The following ABLIM1 variants were observed in gnomAD, a reference collection of about 807,000 sequenced individuals.
The protein encoded by ABLIM1 is actin-binding LIM protein 1.
ABLIM1 carries 40 observed loss-of-function variants against 107.0 expected under a neutral mutation model. The ratio of observed to expected loss-of-function variants is 0.37; its 90% CI spans 0.29 to 0.49. The LOEUF is 0.49. Ranked by LOEUF, ABLIM1 falls within the 20% of genes least tolerant of loss-of-function variation. ABLIM1 has a pLI of 0.97. For synonymous variants in ABLIM1, 357 were observed against 357.3 expected (o/e 1.00, Z 0.01); for missense variants, 857 against 1,008.5 (o/e 0.85, Z 2.04).
upstream of ABLIM1, among the ~76,000 whole-genome samples, chr10:114,769,352 GA>G (rs1566323673): frequency 7.0e-6 from 1 of 143,106 alleles, no homozygotes; most frequent in Non-Finnish European, 1.5e-5. Flanking sequence ...AGATAAGAAA[GA>G]AAGAAAAAGA....
chr10:114,493,970 C>T (rs2059351008), intron 6 of ABLIM1, among the ~76,000 whole-genome samples: 1 of 152,020 alleles, frequency 6.6e-6, no homozygotes, highest in South Asian at 2.1e-4. Flanking sequence ...AAGAGAACAG[C>T]AATAAGGAAG....
the ABLIM1 span, chr10:114,775,969 T>C: frequency 2.0e-5 from 3 of 152,170 alleles, no homozygotes; most frequent in East Asian, 3.9e-4. Flanking sequence ...AAACTAAAGG[T>C]CACTTTAAAG....
intron 2 of ABLIM1, among the ~76,000 whole-genome samples, chr10:114,579,237 A>G (rs1386038296): frequency 1.3e-5 from 2 of 152,210 alleles, no homozygotes; most frequent in Non-Finnish European, 2.9e-5. Flanking sequence ...GAAACAATCT[A>G]AACTTTCATT....
rs117637444 is a variant in ABLIM1, at chr10:114,475,850, T to C, written c.1042-1894A>G. Among the ~76,000 whole-genome samples, 368 of 152,302 alleles carry C rather than the reference T, an allele frequency of 2.4e-3. 4 individuals are homozygous for C. The highest frequency in any genetic ancestry group is 2.9e-3 in the Admixed American group (45 of 15,288). On this transcript the variant is annotated intron_variant, in intron 8 of 22. Transcript: ENST00000533213. Reference sequence around the variant, plus strand: ...GCAGAGAAAACTCAAGGCCTCATTTTGGAACACTTCCTCCCCTCTGTTGCA... The same window carrying C: ...GCAGAGAAAACTCAAGGCCTCATTTCGGAACACTTCCTCCCCTCTGTTGCA...
Position 114,431,861 on chromosome 10 carries a change from C to T in ABLIM1, c.*4399G>A, listed in dbSNP as rs1199081773. 6.6e-6 allele frequency: 1 copy of T among 152,112 alleles called. No individual in the cohort carries two copies. Among genetic ancestry groups the T allele is most frequent in the East Asian group, 1.9e-4 (1 of 5,198 alleles). 9.4% of individuals were successfully genotyped at this position (152,112 alleles called of 1,614,324 possible). A position where few individuals can be genotyped will look rare whatever the true frequency, so the allele number is the denominator to read the frequency against. On this transcript the variant is annotated 3_prime_UTR_variant, in exon 23 of 23. Transcript: ENST00000533213. ...TTGGCTTAAACTGACCATTTCCCCC[C>T]TTCTTTTTGAGTTTTCCATGATTAA...
At chr10:114,487,729 T>C (rs972697399) in intron 8 of ABLIM1, among the ~76,000 whole-genome samples, 3 of 152,208 alleles carry the variant, frequency 2.0e-5, no homozygotes, top group Non-Finnish European at 4.4e-5. Context: ...AGCTGACTAG[T>C]AAGGCCAAGG....
intron 1 of ABLIM1, among the ~76,000 whole-genome samples, chr10:114,613,217 A>C (rs1277633416): frequency 1.3e-5 from 2 of 152,236 alleles, no homozygotes; most frequent in Non-Finnish European, 2.9e-5. Flanking sequence ...CATCAACCCC[A>C]ATTATACTGA....
At chr10:114,442,035 A>G (rs2060271221) in intron 17 of ABLIM1, among the ~76,000 whole-genome samples, 2 of 152,188 alleles carry the variant, frequency 1.3e-5, no homozygotes, top group Non-Finnish European at 2.9e-5. Flanking sequence ...TGCTTCCTAT[A>G]GCTCTGGCAT....
At chr10:114,615,778 G>C (rs1359878685) in intron 1 of ABLIM1, among the ~76,000 whole-genome samples, 1 of 147,288 alleles carries the variant, frequency 6.8e-6, no homozygotes, top group Non-Finnish European at 1.5e-5. Flanking sequence ...CTCAACCGAT[G>C]ACAAAAAATA....
intron 6 of ABLIM1, among the ~76,000 whole-genome samples, chr10:114,494,120 G>C (rs1033597124): frequency 4.6e-5 from 7 of 152,142 alleles, no homozygotes; most frequent in African/African-American, 1.7e-4. Flanking sequence ...AGAGAATTCA[G>C]TTTATGATAA....
chr10:114,798,566 C>T, the ABLIM1 span, among the ~76,000 whole-genome samples: 1 of 146,002 alleles, frequency 6.8e-6, no homozygotes, highest in Non-Finnish European at 1.5e-5. Flanking sequence ...ACCCCCCCCC[C>T]ATGTCTACAA....
At chr10:114,604,900 C>G (rs985151166) in intron 1 of ABLIM1, among the ~76,000 whole-genome samples, 3 of 152,160 alleles carry the variant, frequency 2.0e-5, no homozygotes, top group Admixed American at 1.3e-4. Flanking sequence ...TCTCTATGTC[C>G]GAACAAAGGA....
intron 1 of ABLIM1, among the ~76,000 whole-genome samples, chr10:114,762,888 C>T (rs931680845): frequency 1.4e-4 from 21 of 152,156 alleles, no homozygotes; most frequent in African/African-American, 4.3e-4. Flanking sequence ...CACATGTATG[C>T]GCCACAATCT....
At position 114,607,878 on chromosome 10, in the gene ABLIM1, G is replaced by T. The variant is rs78036293; in HGVS notation, c.245-5917C>A. 7.7e-3 allele frequency among the ~76,000 whole-genome samples: 1,173 copies of T among 152,282 alleles called. 10 individuals are homozygous for T. The highest frequency in any genetic ancestry group is 0.011 in the Non-Finnish European group (764 of 68,024). Reference sequence around the variant, plus strand: ...ATCCCAGAACAGAGAAAGAACATTAGGTAAAAACTACGGAAATCTGAATAG... The same window carrying T: ...ATCCCAGAACAGAGAAAGAACATTATGTAAAAACTACGGAAATCTGAATAG... On this transcript the variant is annotated intron_variant, in intron 1 of 22. Transcript: ENST00000533213.
At chr10:114,447,814 T>C in intron 15 of ABLIM1, 66 bp downstream of exon 15, 1 of 1,586,816 alleles carries the variant, frequency 6.3e-7, no homozygotes, top group Non-Finnish European at 8.6e-7. Context: ...TTTCATGTTT[T>C]TAAGCATGTC....
chr10:114,663,645 T>C (rs2079886101), intron 1 of ABLIM1, among the ~76,000 whole-genome samples: 1 of 152,230 alleles, frequency 6.6e-6, no homozygotes, highest in Admixed American at 6.5e-5. Flanking sequence ...TCATTCCTCC[T>C]GGTTAGAGCA....
chr10:114,540,282 G>C (rs10749167), intron 6 of ABLIM1, among the ~76,000 whole-genome samples: 61,863 of 151,976 alleles, frequency 0.41, 13,815 homozygotes, highest in Non-Finnish European at 0.51. Context: ...ACTCCGGGAG[G>C]TCTAGCAGCC....
upstream of ABLIM1, among the ~76,000 whole-genome samples, chr10:114,772,461 G>T (rs4752190): frequency 3.9e-5 from 6 of 151,920 alleles, no homozygotes; most frequent in African/African-American, 1.5e-4. Context: ...ATTTAAATTA[G>T]CCAGGTGTGG....
the ABLIM1 span, among the ~76,000 whole-genome samples, chr10:114,800,640 T>C: frequency 6.6e-6 from 1 of 152,276 alleles, no homozygotes; most frequent in East Asian, 1.9e-4. Context: ...AGGCTGGGCA[T>C]GGTGGCTAAT....
Sources: allele counts gnomAD v4.1 joint callset (sites outside exome capture counted in the v4.1 genomes callset), GRCh38; gene constraint gnomAD v4.1.1; transcripts MANE v1.5; gene names NCBI Gene and HGNC (gene_info 2026-07-23, HGNC 2026-07-21).